Variants in XKR4 observed in about 807,000 individuals in gnomAD.
XKR4 encodes the protein XK-related protein 4.
A neutral mutation model predicts 53.9 loss-of-function variants in XKR4; 12 were observed. That is an observed-to-expected ratio of 0.22 (90% CI 0.14 to 0.36). The LOEUF (loss-of-function observed/expected upper bound fraction) is 0.36, where lower values mean the gene tolerates loss of function less well. Among genes scored for constraint, XKR4 ranks in the 10% least tolerant of loss-of-function variants. The pLI, the probability that XKR4 is intolerant of heterozygous loss-of-function variation, is 1.00. For synonymous variants in XKR4, 354 were observed against 362.4 expected (o/e 0.98, Z 0.26); for missense variants, 799 against 859.5 (o/e 0.93, Z 0.88).
At chr8:55,508,978 T>A (rs1035513350) in intron 2 of XKR4, among the ~76,000 whole-genome samples, 5 of 152,216 alleles carry the variant, frequency 3.3e-5, no homozygotes, top group African/African-American at 1.2e-4. Context: ...AACTTAAGTA[T>A]ATAAACTTTT....
At chr8:55,185,812 C>T (rs1817370077) in intron 1 of XKR4, among the ~76,000 whole-genome samples, 1 of 152,064 alleles carries the variant, frequency 6.6e-6, no homozygotes, top group South Asian at 2.1e-4. Flanking sequence ...AGTTTGATTC[C>T]ACCTAGATTG....
At chr8:55,350,101 A>G (rs968415898) in intron 1 of XKR4, among the ~76,000 whole-genome samples, 1 of 152,254 alleles carries the variant, frequency 6.6e-6, no homozygotes, top group African/African-American at 2.4e-5. Context: ...TTAACAATAT[A>G]CAATGAATGG....
intron 1 of XKR4, among the ~76,000 whole-genome samples, chr8:55,159,246 A>G (rs1437651529): frequency 6.6e-6 from 1 of 152,202 alleles, no homozygotes; most frequent in Non-Finnish European, 1.5e-5. Flanking sequence ...TTTTATTGGT[A>G]GAAGTAGTCT....
chr8:55,536,003 C>T lies in XKR4; in HGVS notation c.*11776C>T, dbSNP rs1231547714. On this transcript the variant is annotated 3_prime_UTR_variant, in exon 3 of 3. Coordinates refer to ENST00000327381, the MANE Select transcript of XKR4 (RefSeq NM_052898.2). ...TAGAACATGAACCACTTAACCATCCCTCCTTTTAACAGCAATGAGATTCAG... is the reference window on the plus strand; with the variant it reads ...TAGAACATGAACCACTTAACCATCCTTCCTTTTAACAGCAATGAGATTCAG... 6.6e-6 allele frequency: 1 copy of T among 152,336 alleles called. No individual in the cohort carries two copies. The highest frequency in any genetic ancestry group is 3.4e-3 in the Middle Eastern group (1 of 294). 9.4% of individuals were successfully genotyped at this position (152,336 alleles called of 1,614,324 possible). A position where few individuals can be genotyped will look rare whatever the true frequency, so the allele number is the denominator to read the frequency against.
At chr8:55,139,162 G>T (rs1816667637) in intron 1 of XKR4, among the ~76,000 whole-genome samples, 1 of 152,158 alleles carries the variant, frequency 6.6e-6, no homozygotes, top group Non-Finnish European at 1.5e-5. Flanking sequence ...TAAAAAGGGG[G>T]CAGTAATATC....
At chr8:55,481,230 A>G (rs916873480) in intron 2 of XKR4, among the ~76,000 whole-genome samples, 29 of 152,232 alleles carry the variant, frequency 1.9e-4, no homozygotes, top group Non-Finnish European at 2.9e-4. Flanking sequence ...CAGAGCCCTT[A>G]GAAATAATGC....
Position 55,454,304 on chromosome 8 carries a change from A to G in XKR4, c.1007-68977A>G, listed in dbSNP as rs546528594. 13 of 1,460,776 alleles carry G rather than the reference A, an allele frequency of 8.9e-6. No individual in the cohort carries two copies. In the Admixed American group the frequency reaches 1.7e-4, roughly 19 times the overall value. The allele number at this position is 1,460,776 out of a possible 1,614,324, so 90.5% of individuals were successfully genotyped here. The stretch of plus-strand genomic sequence containing the variant: ...GGTCTCTGCCTGGAAGGCCGCATTG[A>G]CCCCGATTATGAAGGGCGTGGGTGT... On this transcript the variant is annotated intron_variant, in intron 2 of 2. Coordinates refer to ENST00000327381, the MANE Select transcript of XKR4 (RefSeq NM_052898.2).
chr8:55,107,060 A>G (rs1351636942), intron 1 of XKR4, among the ~76,000 whole-genome samples: 1 of 152,194 alleles, frequency 6.6e-6, no homozygotes, highest in African/African-American at 2.4e-5. Flanking sequence ...ATAATGATGC[A>G]TGCAAAGCAC....
chr8:55,311,829 C>CAAAAAAAAAAAAAAAAAAAAAAAAAA (rs57826022), intron 1 of XKR4, among the ~76,000 whole-genome samples: 1 of 98,606 alleles, frequency 1.0e-5, no homozygotes, highest in Admixed American at 1.1e-4. Context: ...TGTAATTTAG[C>CAAAAAAAAAAAAAAAAAAAAAAAAAA]AAAAAAAAAA....
At chr8:55,348,756 A>G (rs1803688094) in intron 1 of XKR4, among the ~76,000 whole-genome samples, 1 of 152,092 alleles carries the variant, frequency 6.6e-6, no homozygotes, top group South Asian at 2.1e-4. Context: ...AGACAGAAAG[A>G]TACAGAAATA....
chr8:55,494,519 C>T (rs937041984), intron 2 of XKR4, among the ~76,000 whole-genome samples: 4 of 152,092 alleles, frequency 2.6e-5, no homozygotes, highest in Non-Finnish European at 4.4e-5. Context: ...AAGTGGAGGG[C>T]GAGCAAGACG....
intron 2 of XKR4, among the ~76,000 whole-genome samples, chr8:55,483,125 G>A (rs929577356): frequency 6.6e-6 from 1 of 151,922 alleles, no homozygotes; most frequent in Non-Finnish European, 1.5e-5. Context: ...TGTATTGTTT[G>A]GGAAAAAAAT....
In XKR4 at chr8:55,432,839, A is replaced by C. The variant is rs568398055; in HGVS notation, c.1006+74962A>C. ...GATCTTACCTTTCCTTCTACACTAG[A>C]GGAGAGGAAAGGAAAGGAAGATCAT... On this transcript the variant is annotated intron_variant, in intron 2 of 2. Transcript: ENST00000327381. 4.1e-4 allele frequency among the ~76,000 whole-genome samples: 62 copies of C among 150,602 alleles called. 1 individual carries two copies. The South Asian group carries it at 0.01, about 25-fold the overall frequency.
chr8:55,475,748 G>T (rs28679464), intron 2 of XKR4, among the ~76,000 whole-genome samples: 29 of 151,364 alleles, frequency 1.9e-4, no homozygotes, highest in Non-Finnish European at 3.8e-4. Context: ...GATTATAGGC[G>T]CACACCACCA....
intron 1 of XKR4, among the ~76,000 whole-genome samples, chr8:55,136,927 C>T (rs1214371791): frequency 3.9e-5 from 6 of 152,258 alleles, no homozygotes; most frequent in South Asian, 2.1e-4. Flanking sequence ...CAAAGGCACC[C>T]ATCTTTGAGG....
intron 1 of XKR4, among the ~76,000 whole-genome samples, chr8:55,138,600 G>C (rs1169786607): frequency 2.0e-5 from 3 of 152,162 alleles, no homozygotes; most frequent in African/African-American, 7.2e-5. Context: ...ACCAAGCAAG[G>C]GATGTGCTTC....
intron 1 of XKR4, among the ~76,000 whole-genome samples, chr8:55,136,551 G>A (rs929346891): frequency 2.6e-5 from 4 of 152,170 alleles, no homozygotes; most frequent in African/African-American, 9.7e-5. Flanking sequence ...TAGTCTAAAT[G>A]CCTTTAATGA....
At chr8:55,388,905 A>G (rs918006911) in intron 2 of XKR4, among the ~76,000 whole-genome samples, 26 of 152,242 alleles carry the variant, frequency 1.7e-4, no homozygotes, top group Non-Finnish European at 1.3e-4. Flanking sequence ...TTGTGACACC[A>G]CAAAATATGC....
At chr8:55,234,302 T>G (rs1818089846) in intron 1 of XKR4, among the ~76,000 whole-genome samples, 3 of 152,208 alleles carry the variant, frequency 2.0e-5, no homozygotes, top group Admixed American at 2.0e-4. Context: ...ATCAGATTTT[T>G]GCAAAAATAC....
Sources: allele counts gnomAD v4.1 joint callset (sites outside exome capture counted in the v4.1 genomes callset), GRCh38; gene constraint gnomAD v4.1.1; transcripts MANE v1.5; gene names NCBI Gene and HGNC (gene_info 2026-07-23, HGNC 2026-07-21).